HDAC9: variants seen among roughly 807,000 people sequenced by gnomAD.
HDAC9 encodes the protein MEF-2 interacting transcription repressor (MITR) protein.
A neutral mutation model predicts 139.4 loss-of-function variants in HDAC9; 41 were observed. The observed-to-expected ratio is 0.29, with a 90% CI of 0.23 to 0.38. The LOEUF (loss-of-function observed/expected upper bound fraction) is 0.38, where lower values mean the gene tolerates loss of function less well. Ranked by LOEUF, HDAC9 falls within the 10% of genes least tolerant of loss-of-function variation. The pLI, the probability that HDAC9 is intolerant of heterozygous loss-of-function variation, is 1.00. For synonymous variants in HDAC9, 517 were observed against 476.2 expected, an observed-to-expected ratio of 1.09 and a Z score of -1.12; for missense variants, 1,147 against 1,297.0, an observed-to-expected ratio of 0.88 and a Z score of 1.78.
intron 1 of HDAC9, among the ~76,000 whole-genome samples, chr7:18,139,615 C>T (rs907179269): frequency 1.3e-5 from 2 of 152,114 alleles, no homozygotes; most frequent in Non-Finnish European, 2.9e-5. Flanking sequence ...TGAATAATGG[C>T]ACCCCATAAA....
intron 1 of HDAC9, among the ~76,000 whole-genome samples, chr7:18,160,091 T>A (rs1422224819): frequency 6.6e-6 from 1 of 152,206 alleles, no homozygotes; most frequent in African/African-American, 2.4e-5. Context: ...TGGAAATTAT[T>A]GGTTAAATTT....
chr7:18,140,007 G>A (rs565787597), intron 1 of HDAC9, among the ~76,000 whole-genome samples: 1 of 152,286 alleles, frequency 6.6e-6, no homozygotes, highest in East Asian at 1.9e-4. Context: ...TGGCACAACG[G>A]TTGTGGTCAT....
intron 22 of HDAC9, chr7:18,892,788 A>G (rs1219194943): frequency 1.3e-5 from 2 of 152,136 alleles, no homozygotes; most frequent in African/African-American, 4.8e-5. Flanking sequence ...AGGAAGGTAT[A>G]TTTGTTTTTG....
chr7:18,445,720 A>C (rs1178952597), intron 1 of HDAC9, among the ~76,000 whole-genome samples: 3 of 152,254 alleles, frequency 2.0e-5, no homozygotes, highest in Non-Finnish European at 4.4e-5. Context: ...CCATGAAAAC[A>C]ATGTTTTGAA....
intron 22 of HDAC9, chr7:18,892,635 C>T (rs1800786590): frequency 6.6e-6 from 1 of 152,046 alleles, no homozygotes; most frequent in South Asian, 2.1e-4. Flanking sequence ...GGTCTTGAGC[C>T]CTGCCCTGCA....
At chr7:18,356,812 C>G (rs1351962567) in intron 1 of HDAC9, among the ~76,000 whole-genome samples, 1 of 152,044 alleles carries the variant, frequency 6.6e-6, no homozygotes. Flanking sequence ...GTAGAGTTCT[C>G]CTCAATGTAT....
In HDAC9 at chr7:18,108,334, C is replaced by T. The variant is rs184473330; in HGVS notation, c.-97+21121C>T. ...AGCGTTCACTGTATATGGAGATGGG[C>T]GCCATCATGGGAGGAGTGCTCAAGT... is the stretch of plus-strand genomic sequence containing the variant. On this transcript the variant is annotated intron_variant, in intron 1 of 12. Coordinates refer to the HDAC9 transcript ENST00000417496. 1.1e-4 allele frequency among the ~76,000 whole-genome samples: 17 copies of T among 152,132 alleles called. No individual in the cohort carries two copies. The East Asian group carries it at 2.1e-3, about 19-fold the overall frequency.
chr7:18,897,454 C>G (rs900593613), intron 22 of HDAC9, among the ~76,000 whole-genome samples: 1 of 151,822 alleles, frequency 6.6e-6, no homozygotes, highest in African/African-American at 2.4e-5. Context: ...TAATGTGACT[C>G]CTAAAATGCA....
At chr7:18,712,245 G>A (rs974048468) in intron 12 of HDAC9, among the ~76,000 whole-genome samples, 7 of 152,110 alleles carry the variant, frequency 4.6e-5, no homozygotes, top group Admixed American at 1.3e-4. Flanking sequence ...TAAAGATGTT[G>A]ACAAATTTTT....
At chr7:18,191,059 C>T (rs1342707590) in intron 2 of HDAC9, among the ~76,000 whole-genome samples, 6 of 152,142 alleles carry the variant, frequency 3.9e-5, no homozygotes, top group African/African-American at 1.4e-4. Context: ...CTATCACCAC[C>T]CCCAGTGGAA....
chr7:18,350,180 T>G (rs1241422648), intron 1 of HDAC9, among the ~76,000 whole-genome samples: 1 of 152,180 alleles, frequency 6.6e-6, no homozygotes, highest in Non-Finnish European at 1.5e-5. Context: ...TAGTCTTTAA[T>G]AAATTAGAAT....
intron 1 of HDAC9, among the ~76,000 whole-genome samples, chr7:18,400,815 C>T (rs775762374): frequency 1.3e-5 from 2 of 152,184 alleles, no homozygotes; most frequent in African/African-American, 4.8e-5. Flanking sequence ...CAGTGACATT[C>T]CCCTTCAAAA....
intron 1 of HDAC9, among the ~76,000 whole-genome samples, chr7:18,297,105 T>C (rs1310567621): frequency 6.6e-6 from 1 of 152,152 alleles, no homozygotes; most frequent in Non-Finnish European, 1.5e-5. Context: ...TTGAGAAACT[T>C]CCGTGTAGGT....
At chr7:18,468,942 A>T (rs1794514967) in intron 1 of HDAC9, among the ~76,000 whole-genome samples, 1 of 152,212 alleles carries the variant, frequency 6.6e-6, no homozygotes, top group Non-Finnish European at 1.5e-5. Context: ...TTGAGTTTAG[A>T]TGGATGACAT....
chr7:18,824,340 C>T (rs1409699323), intron 17 of HDAC9, among the ~76,000 whole-genome samples: 2 of 152,110 alleles, frequency 1.3e-5, no homozygotes, highest in Non-Finnish European at 2.9e-5. Context: ...AGGAAGTATG[C>T]TGGTGGGAGA....
intron 22 of HDAC9, among the ~76,000 whole-genome samples, chr7:18,929,293 A>G (rs1039301765): frequency 6.6e-6 from 1 of 152,176 alleles, no homozygotes; most frequent in Non-Finnish European, 1.5e-5. Context: ...AACCATTACC[A>G]TATTGATAGC....
chr7:18,390,047 A>AACACACACACACACACAC (rs60514746), intron 1 of HDAC9, among the ~76,000 whole-genome samples: 19 of 130,496 alleles, frequency 1.5e-4, no homozygotes, highest in Admixed American at 4.7e-4. Flanking sequence ...AGAGAAAGAC[A>AACACACACACACACACAC]ACACACACAC....
intron 21 of HDAC9, among the ~76,000 whole-genome samples, chr7:18,843,507 G>A (rs964219114): frequency 1.6e-4 from 24 of 152,180 alleles, no homozygotes; most frequent in African/African-American, 5.8e-4. Flanking sequence ...AAATTATAGA[G>A]TCACACTTTT....
At chr7:18,345,639 T>C (rs763012938) in intron 1 of HDAC9, among the ~76,000 whole-genome samples, 2 of 151,856 alleles carry the variant, frequency 1.3e-5, no homozygotes, top group African/African-American at 2.4e-5. Flanking sequence ...TTATGCTCCC[T>C]GGAACATACA....
Sources: gnomAD v4.1 joint callset for allele counts (sites outside exome capture counted in the v4.1 genomes callset) on GRCh38, gnomAD v4.1.1 for gene constraint, MANE v1.5 for transcripts, NCBI Gene and HGNC (gene_info 2026-07-23, HGNC 2026-07-21) for gene names.